FGF14: variants seen among roughly 807,000 people sequenced by gnomAD.
FGF14 encodes fibroblast growth factor 14.
FGF14 carries 5 observed loss-of-function variants against 25.5 expected under a neutral mutation model. The ratio of observed to expected loss-of-function variants is 0.20; its 90% CI spans 0.10 to 0.41. FGF14 has a LOEUF of 0.41. FGF14 is among the 10% of genes least tolerant of loss of function. The probability of loss-of-function intolerance (pLI) is 1.00; values close to 1 mark genes in which losing one functional copy is unlikely to be tolerated. For missense variants in FGF14, 222 were observed against 320.1 expected (o/e 0.69, Z 2.34); for synonymous variants, 138 against 118.3 (o/e 1.17, Z -1.08).
rs376276943 is a variant in FGF14 at position 101,868,186 on chromosome 13, G to A, written c.408+539C>T. ...AATACAGCATATCTGAGTGCAAATC[G>A]GTTGTAAATAGAAAATATTTCAGAA... On this transcript the variant is annotated intron_variant, in intron 3 of 4. Transcript: ENST00000376143. 2.0e-4 allele frequency among the ~76,000 whole-genome samples: 30 copies of A among 152,132 alleles called. 1 individual carries two copies. The highest frequency in any genetic ancestry group is 8.3e-4 in the South Asian group (4 of 4,824).
chr13:101,843,989 T>C (rs547979469), intron 3 of FGF14, among the ~76,000 whole-genome samples: 1 of 152,166 alleles, frequency 6.6e-6, no homozygotes, highest in South Asian at 2.1e-4. Flanking sequence ...CATAGTGTCA[T>C]ATTGTAAAGA....
intron 3 of FGF14, among the ~76,000 whole-genome samples, chr13:101,734,787 G>A (rs879381408): frequency 3.9e-5 from 6 of 152,232 alleles, no homozygotes; most frequent in East Asian, 1.9e-4. Context: ...TGAAGAAACC[G>A]AGGCACAGAA....
intron 1 of FGF14, among the ~76,000 whole-genome samples, chr13:102,202,790 C>G (rs1376070969): frequency 6.6e-6 from 1 of 152,138 alleles, no homozygotes; most frequent in Admixed American, 6.5e-5. Context: ...GGTAAAATGT[C>G]CTTTTCTGAG....
At chr13:102,174,900 T>C (rs1001636187) in intron 1 of FGF14, among the ~76,000 whole-genome samples, 3 of 151,990 alleles carry the variant, frequency 2.0e-5, no homozygotes, top group Admixed American at 6.6e-5. Context: ...TCTGTGCATG[T>C]ACTGCCAGTA....
At chr13:101,724,736 T>G (rs978298098) in intron 4 of FGF14, among the ~76,000 whole-genome samples, 1 of 150,612 alleles carries the variant, frequency 6.6e-6, no homozygotes, top group East Asian at 1.9e-4. Flanking sequence ...TTTTGAAAGT[T>G]TGAAATTAAT....
rs867272576 is a variant in FGF14, at chr13:101,716,863, G to A, written c.*5968C>T. 1.3e-5 allele frequency: 2 copies of A among 151,316 alleles called. No homozygotes were observed. The highest frequency in any genetic ancestry group is 2.9e-5 in the Non-Finnish European group (2 of 67,838). 9.4% of individuals were successfully genotyped at this position (151,316 alleles called of 1,614,324 possible). On this transcript the variant is annotated 3_prime_UTR_variant, in exon 5 of 5. Coordinates refer to ENST00000376143, the MANE Select transcript of FGF14 (RefSeq NM_004115.4). ...ATTCACTCAGTGATAGGAACAAAATGTTTATTTTCTTAATGGTGAAACTTT... is the reference window on the plus strand; with the variant it reads ...ATTCACTCAGTGATAGGAACAAAATATTTATTTTCTTAATGGTGAAACTTT...
At chr13:101,945,778 G>A (rs1014071661) in intron 1 of FGF14, among the ~76,000 whole-genome samples, 26 of 152,168 alleles carry the variant, frequency 1.7e-4, no homozygotes, top group African/African-American at 4.8e-4. Flanking sequence ...GCTGTGACAC[G>A]GCACACTTTT....
At chr13:102,049,862 T>C (rs902362854) in intron 1 of FGF14, among the ~76,000 whole-genome samples, 2 of 152,126 alleles carry the variant, frequency 1.3e-5, no homozygotes, top group African/African-American at 4.8e-5. Flanking sequence ...AACCAGAATC[T>C]AGGGGAGAGG....
At chr13:102,135,182 TGGGTGACA>T (rs1259281619) in intron 1 of FGF14, among the ~76,000 whole-genome samples, 1 of 152,152 alleles carries the variant, frequency 6.6e-6, no homozygotes, top group African/African-American at 2.4e-5. Context: ...CACTCCAGCC[TGGGTGACA>T]GAGCAAGACC....
At chr13:102,240,955 C>A (rs1281081295) in intron 1 of FGF14, among the ~76,000 whole-genome samples, 1 of 151,862 alleles carries the variant, frequency 6.6e-6, no homozygotes, top group African/African-American at 2.4e-5. Context: ...AGGCAAAGGG[C>A]AAAATGTAAA....
intron 1 of FGF14, among the ~76,000 whole-genome samples, chr13:102,232,409 G>A (rs1344691429): frequency 6.6e-6 from 1 of 152,088 alleles, no homozygotes; most frequent in African/African-American, 2.4e-5. Flanking sequence ...AATAACTCTA[G>A]GCAAACATTC....
chr13:101,913,215 A>G (rs1339733896), intron 1 of FGF14, among the ~76,000 whole-genome samples: 1 of 152,218 alleles, frequency 6.6e-6, no homozygotes, highest in African/African-American at 2.4e-5. Flanking sequence ...AGGATTTGAA[A>G]GCATATGACT....
intron 3 of FGF14, among the ~76,000 whole-genome samples, chr13:101,835,520 G>A (rs1430987258): frequency 1.3e-5 from 2 of 151,952 alleles, no homozygotes; most frequent in African/African-American, 2.4e-5. Context: ...ATATAGCAGG[G>A]TAATCGATAT....
rs933940177 is a variant in FGF14, at chr13:101,909,183, G to A, written c.193+7270C>T. Among the ~76,000 whole-genome samples, 56 of 152,124 alleles carry A rather than the reference G, an allele frequency of 3.7e-4. 1 individual carries two copies. The highest frequency in any genetic ancestry group is 2.4e-3 in the Admixed American group (37 of 15,256). On this transcript the variant is annotated intron_variant, in intron 1 of 4. Coordinates refer to ENST00000376143, the MANE Select transcript of FGF14 (RefSeq NM_004115.4). ...TACCATTCAGGACATAGGCATGTGC[G>A]AGGACTTCATGTCTAAAACACCAAA...
At chr13:102,071,773 T>C (rs1306574539) in intron 1 of FGF14, among the ~76,000 whole-genome samples, 1 of 152,162 alleles carries the variant, frequency 6.6e-6, no homozygotes, top group Non-Finnish European at 1.5e-5. Flanking sequence ...GTGGCAGTTG[T>C]TTCTGTTTTT....
intron 3 of FGF14, among the ~76,000 whole-genome samples, chr13:101,730,889 T>G (rs2035764332): frequency 6.6e-6 from 1 of 152,178 alleles, no homozygotes; most frequent in East Asian, 1.9e-4. Context: ...AAGCAATGAT[T>G]TTTTTAAAAA....
intron 1 of FGF14, among the ~76,000 whole-genome samples, chr13:102,167,441 G>T (rs755305484): frequency 5.3e-5 from 8 of 151,378 alleles, no homozygotes; most frequent in Non-Finnish European, 1.2e-4. Flanking sequence ...TCACTGGAAA[G>T]AAGCCACCTC....
chr13:101,963,523 GTTCC>G (rs534872013), intron 1 of FGF14, among the ~76,000 whole-genome samples: 16 of 152,236 alleles, frequency 1.1e-4, no homozygotes, highest in African/African-American at 2.9e-4. Flanking sequence ...TCTGCCGGAA[GTTCC>G]TTGTTTTTCT....
At chr13:101,814,734 G>A (rs2041750828) in intron 3 of FGF14, among the ~76,000 whole-genome samples, 1 of 152,166 alleles carries the variant, frequency 6.6e-6, no homozygotes, top group African/African-American at 2.4e-5. Flanking sequence ...TAAACCTACA[G>A]GGATCAGTGA....
Sources: allele counts gnomAD v4.1 joint callset (sites outside exome capture counted in the v4.1 genomes callset), GRCh38; gene constraint gnomAD v4.1.1; transcripts MANE v1.5; gene names NCBI Gene and HGNC (gene_info 2026-07-23, HGNC 2026-07-21).